The following NEBL variants were observed in gnomAD, a reference collection of about 807,000 sequenced individuals.
The protein encoded by NEBL is nebulette, also known as LIM and SH3 protein 2.
In NEBL, 122 loss-of-function variants were observed where a neutral mutation model predicts 140.2. The observed-to-expected ratio is 0.87, with a 90% CI of 0.75 to 1.01. The LOEUF is 1.01. NEBL is among the 50% of genes least tolerant of loss of function. The pLI, the probability that NEBL is intolerant of heterozygous loss-of-function variation, is 0.00. For synonymous variants in NEBL, 436 were observed against 398.9 expected (o/e 1.09, Z -1.11); for missense variants, 1,365 against 1,231.3 (o/e 1.11, Z -1.62).
intron 3 of NEBL, among the ~76,000 whole-genome samples, chr10:21,180,408 A>T (rs1219480613): frequency 6.6e-6 from 1 of 152,166 alleles, no homozygotes; most frequent in Non-Finnish European, 1.5e-5. Flanking sequence ...CATGAAAGAG[A>T]CCTTAAAACA....
chr10:20,947,681 TCACA>T (rs5783757), intron 4 of NEBL, among the ~76,000 whole-genome samples: 2,813 of 143,710 alleles, frequency 0.02, 32 homozygotes, highest in African/African-American at 0.039. Flanking sequence ...TACTGAGAAA[TCACA>T]CACACACACA....
At chr10:20,961,622 C>A (rs1350019665) in intron 4 of NEBL, 1 of 1,342,116 alleles carries the variant, frequency 7.5e-7, no homozygotes, top group South Asian at 1.2e-5. Context: ...CCTTTCTCAT[C>A]CAGAAATGCA....
chr10:20,859,606 C>A, intron 8 of NEBL, 107 bp downstream of exon 8: 2 of 700,528 alleles, frequency 2.9e-6, no homozygotes, highest in South Asian at 3.7e-5. Flanking sequence ...TTCAGTTCAA[C>A]TACAAATTAC....
In NEBL at chr10:21,123,697, T is replaced by A. The variant is rs140322323; in HGVS notation, c.164+48686A>T. The stretch of plus-strand genomic sequence containing the variant: ...CATCCAGTCTATAGTTCCCCTTCTC[T>A]GAATTCTGATGATCATATATCATCA... On this transcript the variant is annotated intron_variant, in intron 2 of 6. Coordinates refer to the NEBL transcript ENST00000417816. Among the ~76,000 whole-genome samples, 29 of 151,466 alleles carry A rather than the reference T, an allele frequency of 1.9e-4. 1 individual carries two copies. In the East Asian group the frequency reaches 4.9e-3, roughly 25 times the overall value.
chr10:20,819,174 C>T, intron 20 of NEBL: 1 of 852,978 alleles, frequency 1.2e-6, no homozygotes, highest in Non-Finnish European at 1.7e-6. Flanking sequence ...CGGCATTAAG[C>T]CCAGTACTCA....
intron 2 of NEBL, among the ~76,000 whole-genome samples, chr10:21,157,233 T>G (rs1344207632): frequency 6.6e-6 from 1 of 152,132 alleles, no homozygotes; most frequent in African/African-American, 2.4e-5. Context: ...TTAACACTGA[T>G]CTTTTATAAG....
At chr10:21,102,180 C>A (rs17814015) in intron 2 of NEBL, among the ~76,000 whole-genome samples, 3,698 of 152,324 alleles carry the variant, frequency 0.024, 59 homozygotes, top group Middle Eastern at 0.048. Context: ...AAATGTTTCA[C>A]CAAAGGCAGA....
chr10:21,214,520 G>A (rs148191473), intron 3 of NEBL, among the ~76,000 whole-genome samples: 255 of 150,074 alleles, frequency 1.7e-3, no homozygotes, highest in Non-Finnish European at 3.0e-3. Flanking sequence ...ATGCACACAT[G>A]CACATTACAC....
chr10:20,806,805 A>G (rs546391878), intron 26 of NEBL, among the ~76,000 whole-genome samples: 1 of 152,350 alleles, frequency 6.6e-6, no homozygotes, highest in Admixed American at 6.5e-5. Context: ...AGGAGGATAG[A>G]CATGAAGTAA....
chr10:20,807,761 C>T (rs978867925), intron 26 of NEBL, among the ~76,000 whole-genome samples: 1 of 152,118 alleles, frequency 6.6e-6, no homozygotes, highest in African/African-American at 2.4e-5. Context: ...CTTTCCCCCT[C>T]CTTGCTGTAC....
At position 20,926,345 on chromosome 10, in the gene NEBL, CT is replaced by C. The variant is rs1833911579; in HGVS notation, c.357+35326del. Among the ~76,000 whole-genome samples the C allele has an allele frequency of 5.3e-5, 8 of 152,292 alleles. No individual in the cohort carries two copies. The South Asian group carries it at 1.7e-3, about 32-fold the overall frequency. On this transcript the variant is annotated intron_variant, in intron 4 of 6. Coordinates refer to the NEBL transcript ENST00000417816. ...GATTCTTTTGCAATCCTTTATAAAA[CT>C]TGACTAATTTTTCTAAGAGGGCTTA... is the stretch of plus-strand genomic sequence containing the variant.
At position 21,188,700 on chromosome 10, in the gene NEBL, C is replaced by T. The variant is rs189025953; in HGVS notation, n.349-16223G>A. ...ACTGCAACCTCCGCCTCCCGGGTTC[C>T]AGCAATTTTCCTGCCTCAGCCTCCC... On this transcript the variant is annotated intron_variant and non_coding_transcript_variant, in intron 3 of 8. Transcript: ENST00000675702. Among the ~76,000 whole-genome samples the T allele has an allele frequency of 4.7e-3, 709 of 151,360 alleles. 5 individuals are homozygous for T. The highest frequency in any genetic ancestry group is 0.01 in the Middle Eastern group (3 of 292).
intron 2 of NEBL, among the ~76,000 whole-genome samples, chr10:21,093,604 A>G (rs1020386334): frequency 1.3e-5 from 2 of 152,220 alleles, no homozygotes; most frequent in Non-Finnish European, 2.9e-5. Context: ...TGGGGGTCAC[A>G]GCATTTTAAG....
intron 4 of NEBL, among the ~76,000 whole-genome samples, chr10:20,915,723 C>A (rs569591711): frequency 6.6e-6 from 1 of 152,060 alleles, no homozygotes; most frequent in African/African-American, 2.4e-5. Context: ...CATACATGTG[C>A]ATGTGTCTTT....
In NEBL at chr10:20,819,456, T is replaced by A. The variant is rs553318424; in HGVS notation, c.2023A>T (p.Arg675Ter). Residue 675 changes from arginine (R) to a stop codon, truncating the protein, a stop_gained, in exon 20 of 28, where the codon AGA becomes TGA. Coordinates refer to ENST00000377122, the MANE Select transcript of NEBL (RefSeq NM_006393.3). LOFTEE classifies it high-confidence loss of function. ...AGCTGCTCCTGGTTTCGCCTCACTC[T>A]CTCTATCTCCGGGGTCATGCTTACC... ...TPVSMTPEIE[R>*]VRRNQEQLSA... 1 of 1,614,020 alleles carries A rather than the reference T, an allele frequency of 6.2e-7. No homozygotes were observed. The highest frequency in any genetic ancestry group is 1.1e-5 in the South Asian group (1 of 91,080).
At chr10:21,126,983 A>G (rs1838869959) in intron 2 of NEBL, among the ~76,000 whole-genome samples, 2 of 151,106 alleles carry the variant, frequency 1.3e-5, no homozygotes, top group African/African-American at 4.8e-5. Flanking sequence ...TCAAAAAAAA[A>G]AAAAAAAAAA....
chr10:21,215,692 A>G (rs1248751156), intron 3 of NEBL, among the ~76,000 whole-genome samples: 1 of 152,032 alleles, frequency 6.6e-6, no homozygotes, highest in Non-Finnish European at 1.5e-5. Context: ...ACAGGGTCTT[A>G]CTCTGTCATC....
At chr10:21,033,995 A>C (rs951765857) in intron 2 of NEBL, among the ~76,000 whole-genome samples, 3 of 151,478 alleles carry the variant, frequency 2.0e-5, no homozygotes, top group Non-Finnish European at 4.4e-5. Flanking sequence ...GCGAAAACTC[A>C]TCTCTACAAA....
intron 3 of NEBL, among the ~76,000 whole-genome samples, chr10:20,968,806 C>T (rs1836442803): frequency 6.6e-6 from 1 of 152,184 alleles, no homozygotes; most frequent in Admixed American, 6.5e-5. Context: ...ATGATAGATA[C>T]TCCACATTTC....
Sources: allele counts gnomAD v4.1 joint callset (sites outside exome capture counted in the v4.1 genomes callset), GRCh38; gene constraint gnomAD v4.1.1; transcripts MANE v1.5; gene names NCBI Gene and HGNC (gene_info 2026-07-23, HGNC 2026-07-21).